The following ABCA5 variants were observed in gnomAD, a reference collection of about 807,000 sequenced individuals.
ABCA5 encodes ATP binding cassette subfamily A member 5.
Under a neutral mutation model 206.0 loss-of-function variants are expected in ABCA5, and 163 were observed. The observed-to-expected ratio is 0.79, with a 90% CI of 0.70 to 0.90. The LOEUF is 0.90. Ranked by LOEUF, ABCA5 falls within the 40% of genes least tolerant of loss-of-function variation. The probability of loss-of-function intolerance (pLI) is 0.00; values close to 1 mark genes in which losing one functional copy is unlikely to be tolerated. For synonymous variants in ABCA5, 609 were observed against 613.8 expected (o/e 0.99, Z 0.11); for missense variants, 1,859 against 1,912.9 (o/e 0.97, Z 0.53).
In ABCA5 at chr17:69,298,322, GGA is replaced by G. The variant is rs1252625494; in HGVS notation, c.1268-965_1268-964del. Among the ~76,000 whole-genome samples, 101 of 146,698 alleles carry G rather than the reference GGA, an allele frequency of 6.9e-4. 4 individuals carry two copies. Among genetic ancestry groups the G allele is most frequent in the African/African-American group, 2.5e-3 (99 of 39,450 alleles). On this transcript the variant is annotated intron_variant, in intron 9 of 38. Transcript: ENST00000392676. Reference sequence around the variant, plus strand: ...AGAGAAAGAAAGAGAGAGAGAGGAAGGAAGGAAGGAAGGAAGGAAGGAAGGAA... The same window carrying G: ...AGAGAAAGAAAGAGAGAGAGAGGAAGAGGAAGGAAGGAAGGAAGGAAGGAA...
At chr17:69,285,300 C>T (rs1219387133) in intron 17 of ABCA5, 2 of 123,970 alleles carry the variant, frequency 1.6e-5, no homozygotes, top group Non-Finnish European at 3.4e-5. Context: ...CTTCAGTCCA[C>T]TTAATTTGTG....
chr17:69,321,324 G>A (rs2075863747), intron 1 of ABCA5, among the ~76,000 whole-genome samples: 1 of 152,178 alleles, frequency 6.6e-6, no homozygotes, highest in Non-Finnish European at 1.5e-5. Context: ...CCTGACAGAA[G>A]CATATATCTG....
chr17:69,297,201 C>A lies in ABCA5; in HGVS notation c.1426G>T (p.Glu476Ter). 1 of 1,610,762 alleles carries A rather than the reference C, an allele frequency of 6.2e-7. No individual in the cohort carries two copies. Among genetic ancestry groups the A allele is most frequent in the Admixed American group, 1.7e-5 (1 of 59,492 alleles). Residue 476 changes from glutamate to a stop codon, truncating the protein, a stop_gained, in exon 10 of 39, where the codon GAA becomes TAA. Coordinates refer to ENST00000392676, the MANE Select transcript of ABCA5 (RefSeq NM_172232.4). LOFTEE classifies it high-confidence loss of function. Reference protein sequence around the residue: ...EPVSSEFVGKEAIRISGIQKT... With the variant: ...EPVSSEFVGK Reference sequence around the variant, plus strand: ...AAGATTGAACCATACCTTATGGCTTCTTTTCCTACAAATTCTGAAGAAACT... The same window carrying A: ...AAGATTGAACCATACCTTATGGCTTATTTTCCTACAAATTCTGAAGAAACT...
chr17:69,276,334 G>A (rs1273552346), intron 19 of ABCA5, among the ~76,000 whole-genome samples: 2 of 152,106 alleles, frequency 1.3e-5, no homozygotes, highest in African/African-American at 4.8e-5. Context: ...TGATCCGCCT[G>A]CCTTGGCCTC....
intron 29 of ABCA5, 135 bp downstream of exon 29, chr17:69,256,022 G>A (rs943536779): frequency 4.4e-5 from 55 of 1,240,308 alleles, no homozygotes; most frequent in East Asian, 3.1e-4. Context: ...GTAAGTAAAC[G>A]AAGTATTTTT....
At chr17:69,290,710 A>C (rs1028488692) in intron 12 of ABCA5, among the ~76,000 whole-genome samples, 3 of 152,120 alleles carry the variant, frequency 2.0e-5, no homozygotes, top group Admixed American at 6.5e-5. Flanking sequence ...CTGCCACTCT[A>C]TTTGGTTACT....
intron 35 of ABCA5, 43 bp downstream of exon 35, chr17:69,251,704 C>A (rs377395165): frequency 6.3e-7 from 1 of 1,580,518 alleles, no homozygotes; most frequent in Non-Finnish European, 8.6e-7. Flanking sequence ...AAAATCCAAC[C>A]CCCAACCTCT....
intron 5 of ABCA5, 139 bp downstream of exon 5, chr17:69,308,141 C>G: frequency 2.6e-6 from 1 of 388,144 alleles, no homozygotes; most frequent in Non-Finnish European, 4.5e-6. Flanking sequence ...ACTTTTTTAT[C>G]TTTTTTCTCA....
chr17:69,267,584 A>G (rs2075225213), intron 23 of ABCA5, among the ~76,000 whole-genome samples: 3 of 152,178 alleles, frequency 2.0e-5, no homozygotes, highest in African/African-American at 7.2e-5. Flanking sequence ...TTTGCCAGTT[A>G]AGAACATAAA....
chr17:69,261,250 C>G lies in ABCA5; in HGVS notation c.3439G>C (p.Ala1147Pro), dbSNP rs576658683. 4 of 1,588,872 alleles carry G rather than the reference C, an allele frequency of 2.5e-6. No homozygotes were observed. In the African/African-American group the frequency reaches 4.1e-5, roughly 16 times the overall value. ...GTTATTTCAGTGATTGCAATACAAGCCAACGCTGCCTAAAGAAAAAAATAA... is the reference window on the plus strand; with the variant it reads ...GTTATTTCAGTGATTGCAATACAAGGCAACGCTGCCTAAAGAAAAAAATAA... ...WSFIYSVAAL[A>P]CIAITEITFF... The change falls in exon 26 of 39, where the codon GCT (alanine) becomes CCT (proline). Residue 1147 changes from alanine to proline, a missense_variant. Coordinates refer to ENST00000392676, the MANE Select transcript of ABCA5 (RefSeq NM_172232.4).
intron 1 of ABCA5, among the ~76,000 whole-genome samples, chr17:69,316,490 G>GA (rs34758893): frequency 3.1e-4 from 32 of 103,476 alleles, no homozygotes; most frequent in Non-Finnish European, 3.1e-4. Context: ...CTGTCTCAAA[G>GA]AAAAAAAAAA....
intron 22 of ABCA5, 64 bp downstream of exon 22, chr17:69,270,549 T>G: frequency 3.5e-6 from 5 of 1,414,936 alleles, no homozygotes; most frequent in Non-Finnish European, 4.7e-6. Context: ...TTTTGCTTAG[T>G]TTTTAATGGT....
At position 69,261,762 on chromosome 17, in the gene ABCA5, A is replaced by G. The variant is rs772691468; in HGVS notation, c.3316-14T>C. 8.7e-7 allele frequency: 1 copy of G among 1,146,202 alleles called. No individual in the cohort carries two copies. The highest frequency in any genetic ancestry group is 1.2e-6 in the Non-Finnish European group (1 of 827,590). 71.0% of individuals were successfully genotyped at this position (1,146,202 alleles called of 1,614,324 possible). On this transcript the variant is annotated splice_polypyrimidine_tract_variant and intron_variant, in intron 24 of 38. Coordinates refer to ENST00000392676, the MANE Select transcript of ABCA5 (RefSeq NM_172232.4). ...AAGGCAAAAAACCTGTAAATCAGAA[A>G]TATGTTTCTATAAAAATATGAATAG...
intron 11 of ABCA5, among the ~76,000 whole-genome samples, chr17:69,292,368 G>T (rs1187548723): frequency 6.6e-6 from 1 of 151,988 alleles, no homozygotes; most frequent in Admixed American, 6.6e-5. Context: ...CATATTTTTT[G>T]ATGCTAAATG....
intron 12 of ABCA5, among the ~76,000 whole-genome samples, chr17:69,290,673 C>G (rs1189608343): frequency 1.3e-5 from 2 of 151,972 alleles, no homozygotes; most frequent in African/African-American, 2.4e-5. Context: ...CAATTCAGCC[C>G]TTTTGTAAAG....
At chr17:69,294,016 T>C (rs946695132) in intron 11 of ABCA5, among the ~76,000 whole-genome samples, 8 of 152,014 alleles carry the variant, frequency 5.3e-5, no homozygotes, top group South Asian at 2.1e-4. Context: ...AGTGCTGAGG[T>C]TGAAAAACCC....
rs1406731497 is a variant in ABCA5, at chr17:69,246,565, G to A, written c.*972C>T. On this transcript the variant is annotated 3_prime_UTR_variant, in exon 39 of 39. Transcript: ENST00000392676. ...TATCCTACCATGTTCCAAAGTCAAT[G>A]AGGTAAGTTACTAAATAAATCTACA... The A allele has an allele frequency of 6.6e-6, 1 of 151,398 alleles. No homozygotes were observed. The highest frequency in any genetic ancestry group is 2.4e-5 in the African/African-American group (1 of 41,236). 9.4% of individuals were successfully genotyped at this position (151,398 alleles called of 1,614,324 possible).
Position 69,244,630 on chromosome 17 carries a change from C to G in ABCA5, c.*2907G>C, listed in dbSNP as rs1365099022. On this transcript the variant is annotated 3_prime_UTR_variant, in exon 39 of 39. Coordinates refer to ENST00000392676, the MANE Select transcript of ABCA5 (RefSeq NM_172232.4). The stretch of plus-strand genomic sequence containing the variant: ...AAAGAAAATAAAAAATCAATGTTAG[C>G]AAATTAAAAATACATTAAGGATAAA... 6.6e-6 allele frequency: 1 copy of G among 151,356 alleles called. No homozygotes were observed. Among genetic ancestry groups the G allele is most frequent in the Non-Finnish European group, 1.5e-5 (1 of 67,738 alleles). 9.4% of individuals were successfully genotyped at this position (151,356 alleles called of 1,614,324 possible). A position where few individuals can be genotyped will look rare whatever the true frequency, so the allele number is the denominator to read the frequency against.
chr17:69,270,970 T>C (rs1390844363), intron 21 of ABCA5, among the ~76,000 whole-genome samples, 192 bp downstream of exon 21: 3 of 152,086 alleles, frequency 2.0e-5, no homozygotes, highest in Admixed American at 6.6e-5. Flanking sequence ...AAAAACTAAA[T>C]TTCTGTAACT....
Sources: gnomAD v4.1 joint callset for allele counts (sites outside exome capture counted in the v4.1 genomes callset) on GRCh38, gnomAD v4.1.1 for gene constraint, MANE v1.5 for transcripts, NCBI Gene and HGNC (gene_info 2026-07-23, HGNC 2026-07-21) for gene names.